BCAS3: variants seen among roughly 807,000 people sequenced by gnomAD.
BCAS3 encodes the protein BCAS4/BCAS3 fusion.
Under a neutral mutation model 116.1 loss-of-function variants are expected in BCAS3, and 53 were observed. That is an observed-to-expected ratio of 0.46 (90% CI 0.37 to 0.57). The LOEUF is 0.57. Among genes scored for constraint, BCAS3 ranks in the 20% least tolerant of loss-of-function variants. BCAS3 has a pLI of 0.00. For missense variants in BCAS3, 917 were observed against 1,165.4 expected, an observed-to-expected ratio of 0.79 and a Z score of 3.10; for synonymous variants, 391 against 408.2, an observed-to-expected ratio of 0.96 and a Z score of 0.51.
intron 2 of BCAS3, among the ~76,000 whole-genome samples, chr17:60,681,474 T>G (rs1357694063): frequency 6.6e-6 from 1 of 151,192 alleles, no homozygotes; most frequent in Admixed American, 6.6e-5. Flanking sequence ...CACTCCAGCC[T>G]GGGGGACAAG....
At chr17:60,745,497 A>G (rs2144252052) in intron 5 of BCAS3, among the ~76,000 whole-genome samples, 1 of 152,220 alleles carries the variant, frequency 6.6e-6, no homozygotes, top group East Asian at 1.9e-4. Context: ...TGTAATTTTT[A>G]GATTTCAGAG....
At chr17:60,797,349 T>G (rs2047302516) in intron 6 of BCAS3, among the ~76,000 whole-genome samples, 1 of 152,004 alleles carries the variant, frequency 6.6e-6, no homozygotes, top group Non-Finnish European at 1.5e-5. Context: ...TTGCTACATT[T>G]ATTTTTACTT....
At chr17:61,193,959 A>T in intron 22 of BCAS3, among the ~76,000 whole-genome samples, 1 of 151,196 alleles carries the variant, frequency 6.6e-6, no homozygotes, top group East Asian at 2.0e-4. Flanking sequence ...TATACTAAAA[A>T]CACAAAAATT....
At chr17:60,748,052 A>G (rs1309594965) in intron 6 of BCAS3, among the ~76,000 whole-genome samples, 1 of 152,150 alleles carries the variant, frequency 6.6e-6, no homozygotes, top group Non-Finnish European at 1.5e-5. Flanking sequence ...TAATCATAAT[A>G]ATCATGTTTG....
chr17:61,152,734 C>T (rs1399233484), intron 22 of BCAS3, among the ~76,000 whole-genome samples: 2 of 151,674 alleles, frequency 1.3e-5, no homozygotes, highest in African/African-American at 4.8e-5. Context: ...AAAAATACCC[C>T]AATACTGCAG....
chr17:61,034,233 G>T lies in BCAS3; in HGVS notation c.1638-433G>T, dbSNP rs540391371. Reference sequence around the variant, plus strand: ...TATACTGTTAATCCCACATCTTATAGATTGGTGCAAAGGCAGTGGCAAAAA... The same window carrying T: ...TATACTGTTAATCCCACATCTTATATATTGGTGCAAAGGCAGTGGCAAAAA... On this transcript the variant is annotated intron_variant, in intron 16 of 23. Transcript: ENST00000407086. The surrounding 1 kb of genome is among the most constrained non-coding windows in gnomAD (Gnocchi z 5.0). Among the ~76,000 whole-genome samples the T allele has an allele frequency of 2.6e-5, 4 of 152,244 alleles. No homozygotes were observed. In the South Asian group the frequency reaches 8.3e-4, roughly 32 times the overall value.
rs1209675043 is a variant in BCAS3, at chr17:61,365,144, C to T, written c.2426-3183C>T. 1.3e-5 allele frequency among the ~76,000 whole-genome samples: 2 copies of T among 152,198 alleles called. No individual in the cohort carries two copies. Among genetic ancestry groups the T allele is most frequent in the Non-Finnish European group, 2.9e-5 (2 of 68,036 alleles). On this transcript the variant is annotated intron_variant, in intron 22 of 23. Transcript: ENST00000407086. This position sits in a 1 kb window ranked among gnomAD's most constrained non-coding sequence, Gnocchi z 4.6. ...CGCATGCCTGGAATCATACAGCTCA[C>T]GTGTTAGTCTTTCTTGAAGTCCAGG...
chr17:60,971,554 G>T (rs529967887), intron 14 of BCAS3, among the ~76,000 whole-genome samples: 54 of 152,110 alleles, frequency 3.6e-4, no homozygotes, highest in Admixed American at 9.2e-4. Context: ...AGTTGTTGGG[G>T]TTATACAGCT....
In BCAS3 at chr17:61,010,263, G is replaced by T. The variant is rs150331108; in HGVS notation, c.1487-5488G>T. Among the ~76,000 whole-genome samples, 11 of 151,886 alleles carry T rather than the reference G, an allele frequency of 7.2e-5. No homozygotes were observed. In the East Asian group the frequency reaches 2.1e-3, roughly 29 times the overall value. ...TGTGTTTTTATAGTATAGAATGTCT[G>T]GGAAAACATAATTTAGGACAAAGCA... is the stretch of plus-strand genomic sequence containing the variant. On this transcript the variant is annotated intron_variant, in intron 15 of 23. Coordinates refer to ENST00000407086, the MANE Select transcript of BCAS3 (RefSeq NM_017679.5).
chr17:60,877,893 T>TAA (rs2055761917), intron 9 of BCAS3, among the ~76,000 whole-genome samples: 1 of 152,198 alleles, frequency 6.6e-6, no homozygotes, highest in African/African-American at 2.4e-5. Context: ...GTATGTTACT[T>TAA]AAATGGTTAA....
In BCAS3 at chr17:61,041,529, C is replaced by G. The variant is rs1261285147; in HGVS notation, c.2029+637C>G. Reference sequence around the variant, plus strand: ...TTAAAAATTATTTACAATTATAATTCAGTTTTGTAGATATAGACAGAATCC... The same window carrying G: ...TTAAAAATTATTTACAATTATAATTGAGTTTTGTAGATATAGACAGAATCC... On this transcript the variant is annotated intron_variant, in intron 19 of 23. Transcript: ENST00000407086. This position sits in a 1 kb window ranked among gnomAD's most constrained non-coding sequence, Gnocchi z 4.7. Among the ~76,000 whole-genome samples the G allele has an allele frequency of 6.6e-6, 1 of 151,754 alleles. No homozygotes were observed. The highest frequency in any genetic ancestry group is 2.4e-5 in the African/African-American group (1 of 41,368).
At chr17:60,838,042 A>G (rs995019035) in intron 7 of BCAS3, among the ~76,000 whole-genome samples, 9 of 152,200 alleles carry the variant, frequency 5.9e-5, no homozygotes, top group Non-Finnish European at 1.0e-4. Flanking sequence ...AAGGAAGGCC[A>G]TAAAACAGTG....
intron 22 of BCAS3, among the ~76,000 whole-genome samples, chr17:61,172,822 A>C (rs2078925359): frequency 6.6e-6 from 1 of 151,604 alleles, no homozygotes; most frequent in Non-Finnish European, 1.5e-5. Context: ...ATCTCTACTA[A>C]AAATACAAAA....
chr17:60,794,851 G>A (rs1331665076), intron 6 of BCAS3, among the ~76,000 whole-genome samples: 2 of 151,984 alleles, frequency 1.3e-5, no homozygotes, highest in African/African-American at 4.8e-5. Flanking sequence ...CCTCCAGATT[G>A]GTTCTTTTTG....
chr17:60,855,408 C>T (rs1478198323), intron 7 of BCAS3, among the ~76,000 whole-genome samples: 1 of 151,372 alleles, frequency 6.6e-6, no homozygotes. Context: ...TGAGTGATCC[C>T]ATTTGTCTTT....
intron 22 of BCAS3, among the ~76,000 whole-genome samples, chr17:61,301,237 T>A (rs568298481): frequency 9.8e-5 from 15 of 152,334 alleles, no homozygotes; most frequent in Middle Eastern, 3.4e-3. Context: ...GCTGGCCTCA[T>A]GTCATATGGC....
At position 61,008,631 on chromosome 17, in the gene BCAS3, G is replaced by A. The variant is rs1183274692; in HGVS notation, c.1487-7120G>A. Among the ~76,000 whole-genome samples, 3 of 151,244 alleles carry A rather than the reference G, an allele frequency of 2.0e-5. No individual in the cohort carries two copies. The highest frequency in any genetic ancestry group is 2.1e-4 in the South Asian group (1 of 4,810). ...GATTTTTATCCCTGTCAATTCCACA[G>A]CAAGATATTAAAAACAGTCCAAAAG... On this transcript the variant is annotated intron_variant, in intron 15 of 23. Coordinates refer to ENST00000407086, the MANE Select transcript of BCAS3 (RefSeq NM_017679.5). The surrounding 1 kb of genome is among the most constrained non-coding windows in gnomAD (Gnocchi z 4.6).
rs1419211504 is a variant in BCAS3 at position 61,088,891 on chromosome 17, T to C, written c.2425+4327T>C. Among the ~76,000 whole-genome samples, 2 of 152,156 alleles carry C rather than the reference T, an allele frequency of 1.3e-5. No individual in the cohort carries two copies. Among genetic ancestry groups the C allele is most frequent in the African/African-American group, 4.8e-5 (2 of 41,416 alleles). ...TGAGGTGTGGTGGAAGCAGTGTTTGTGTACATGCCTGAGGAAGTGTGGTGG... is the reference window on the plus strand; with the variant it reads ...TGAGGTGTGGTGGAAGCAGTGTTTGCGTACATGCCTGAGGAAGTGTGGTGG... On this transcript the variant is annotated intron_variant, in intron 22 of 23. Transcript: ENST00000407086. The surrounding 1 kb of genome is among the most constrained non-coding windows in gnomAD (Gnocchi z 4.2).
At chr17:60,775,332 C>T (rs1048197731) in intron 6 of BCAS3, among the ~76,000 whole-genome samples, 35 of 152,120 alleles carry the variant, frequency 2.3e-4, no homozygotes, top group African/African-American at 7.0e-4. Flanking sequence ...TCCTTCTCCT[C>T]TTAACTATCA....
Sources: allele counts gnomAD v4.1 joint callset (sites outside exome capture counted in the v4.1 genomes callset), GRCh38; gene constraint gnomAD v4.1.1; non-coding constraint Gnocchi (gnomAD v3.1); transcripts MANE v1.5; gene names NCBI Gene and HGNC (gene_info 2026-07-23, HGNC 2026-07-21).